XYLT1: variants seen among roughly 807,000 people sequenced by gnomAD.
XYLT1 encodes the protein beta-D-xylosyltransferase 1.
In XYLT1, 36 loss-of-function variants were observed where a neutral mutation model predicts 91.3. The observed-to-expected ratio is 0.39, with a 90% CI of 0.30 to 0.52. The LOEUF (loss-of-function observed/expected upper bound fraction) is 0.52. Among genes scored for constraint, XYLT1 ranks in the 20% least tolerant of loss-of-function variants. The pLI is 0.68. For missense variants in XYLT1, 1,242 were observed against 1,284.5 expected (o/e 0.97, Z 0.51); for synonymous variants, 588 against 532.0 (o/e 1.11, Z -1.45).
intron 1 of XYLT1, among the ~76,000 whole-genome samples, chr16:17,367,477 C>T (rs1596506201): frequency 6.6e-6 from 1 of 152,218 alleles, no homozygotes; most frequent in Non-Finnish European, 1.5e-5. Context: ...CACCCACTTG[C>T]TGTGGTCACC....
At chr16:17,276,743 T>C (rs1011126284) in intron 2 of XYLT1, among the ~76,000 whole-genome samples, 1 of 152,178 alleles carries the variant, frequency 6.6e-6, no homozygotes, top group Non-Finnish European at 1.5e-5. Flanking sequence ...GAAGTTGTTA[T>C]AAATGTATGC....
chr16:17,191,728 C>T (rs1235050828), intron 5 of XYLT1, among the ~76,000 whole-genome samples: 3 of 152,198 alleles, frequency 2.0e-5, no homozygotes, highest in Non-Finnish European at 4.4e-5. Flanking sequence ...CCTACTGAGG[C>T]GCCATGGAGC....
chr16:17,223,066 T>G (rs1229636274), intron 3 of XYLT1, among the ~76,000 whole-genome samples: 1 of 151,828 alleles, frequency 6.6e-6, no homozygotes, highest in African/African-American at 2.4e-5. Flanking sequence ...GGCTGACATT[T>G]GTTAAGTGCC....
At chr16:17,127,563 C>A (rs2030303199) in intron 10 of XYLT1, 103 bp downstream of exon 10, 6 of 1,364,270 alleles carry the variant, frequency 4.4e-6, no homozygotes, top group Non-Finnish European at 6.0e-6. Flanking sequence ...ATCTCCAAGT[C>A]CTCTTCTCCT....
chr16:17,115,824 A>AAAAAAAAC (rs1966851037), intron 11 of XYLT1, among the ~76,000 whole-genome samples: 1 of 143,978 alleles, frequency 6.9e-6, no homozygotes, highest in Non-Finnish European at 1.5e-5. Flanking sequence ...AAAAAAAAAA[A>AAAAAAAAC]AGACTTTTCC....
intron 4 of XYLT1, 125 bp downstream of exon 4, chr16:17,200,357 G>C: frequency 8.2e-7 from 1 of 1,221,544 alleles, no homozygotes; most frequent in Non-Finnish European, 1.2e-6. Flanking sequence ...AGAGGCAGCT[G>C]GTCAGCTTCC....
At chr16:17,400,617 GAGGGAGGA>G (rs1403407991) in intron 1 of XYLT1, among the ~76,000 whole-genome samples, 29 of 122,076 alleles carry the variant, frequency 2.4e-4, no homozygotes, top group African/African-American at 8.3e-4. Flanking sequence ...GGGAGGGAGG[GAGGGAGGA>G]AGGGAGGAAG....
Position 17,470,448 on chromosome 16 carries a change from G to A in XYLT1, c.349C>T (p.Pro117Ser). 2 of 1,231,620 alleles carry A rather than the reference G, an allele frequency of 1.6e-6. No homozygotes were observed. The highest frequency in any genetic ancestry group is 2.0e-6 in the Non-Finnish European group (2 of 987,536). 76.3% of individuals were successfully genotyped at this position (1,231,620 alleles called of 1,614,324 possible). A position where few individuals can be genotyped will look rare whatever the true frequency, so the allele number is the denominator to read the frequency against. Reference sequence around the variant, plus strand: ...GGGCATCTTACCAGAGCCCGGGCGGGCAGTGCCCCCCGGCTGGCCGGCTGC... The same window carrying A: ...GGGCATCTTACCAGAGCCCGGGCGGACAGTGCCCCCCGGCTGGCCGGCTGC... ...GQQPASRGAL[P>S]ARALDPHPSP... Residue 117 changes from proline (P) to serine (S), a missense_variant, in exon 1 of 12, where the codon CCC (proline) becomes TCC (serine). By Grantham distance (74) the Pro-to-Ser change is moderately conservative. Around this residue, in one of 3 missense-constraint regions of XYLT1, gnomAD observed 437 missense variants for 411.5 expected, o/e 1.06. Coordinates refer to ENST00000261381, the MANE Select transcript of XYLT1 (RefSeq NM_022166.4).
chr16:17,463,664 GTTC>G (rs1426344011), intron 1 of XYLT1, among the ~76,000 whole-genome samples: 2 of 152,246 alleles, frequency 1.3e-5, no homozygotes, highest in African/African-American at 2.4e-5. Context: ...GAGTATGAAG[GTTC>G]TTCACAAGCT....
chr16:17,269,627 C>T, intron 2 of XYLT1, among the ~76,000 whole-genome samples: 1 of 152,090 alleles, frequency 6.6e-6, no homozygotes, highest in Non-Finnish European at 1.5e-5. Context: ...CATCATCTCC[C>T]AGCCTCTGTA....
intron 1 of XYLT1, among the ~76,000 whole-genome samples, chr16:17,464,326 T>TA (rs1290206974): frequency 6.6e-6 from 1 of 151,960 alleles, no homozygotes; most frequent in Non-Finnish European, 1.5e-5. Flanking sequence ...TCATCTCTAC[T>TA]AAAAATACAA....
Position 17,236,977 on chromosome 16 carries a change from A to G in XYLT1, c.913+22011T>C, listed in dbSNP as rs182617464. The stretch of plus-strand genomic sequence containing the variant: ...TTTGGGGGATACAATGTAATCCATA[A>G]TATCTACTTAGCAATTGAGTATAGG... On this transcript the variant is annotated intron_variant, in intron 3 of 11. Transcript: ENST00000261381. Among the ~76,000 whole-genome samples, 10 of 152,318 alleles carry G rather than the reference A, an allele frequency of 6.6e-5. 1 individual carries two copies. Among genetic ancestry groups the G allele is most frequent in the Admixed American group, 6.5e-4 (10 of 15,306 alleles).
chr16:17,212,893 C>T (rs1444514273), intron 3 of XYLT1, among the ~76,000 whole-genome samples: 1 of 152,236 alleles, frequency 6.6e-6, no homozygotes, highest in Non-Finnish European at 1.5e-5. Flanking sequence ...CTGTGGCCTG[C>T]AAGCTCTTAT....
chr16:17,458,093 G>A (rs1839496891), intron 1 of XYLT1, among the ~76,000 whole-genome samples: 1 of 152,164 alleles, frequency 6.6e-6, no homozygotes, highest in Non-Finnish European at 1.5e-5. Flanking sequence ...ATGAACGTGA[G>A]TCTGGTTGAG....
intron 1 of XYLT1, among the ~76,000 whole-genome samples, chr16:17,362,221 C>T (rs527532920): frequency 6.6e-6 from 1 of 152,230 alleles, no homozygotes; most frequent in South Asian, 2.1e-4. Flanking sequence ...TAAGCAGTAC[C>T]ACCTTAACAA....
At chr16:17,362,946 C>T (rs1567393500) in intron 1 of XYLT1, among the ~76,000 whole-genome samples, 1 of 152,244 alleles carries the variant, frequency 6.6e-6, no homozygotes, top group Non-Finnish European at 1.5e-5. Context: ...TCCCAGGGAA[C>T]ACTTCAGAAG....
chr16:17,107,196 T>C lies in XYLT1; in HGVS notation c.*1499A>G, dbSNP rs1966788990. On this transcript the variant is annotated 3_prime_UTR_variant, in exon 12 of 12. Transcript: ENST00000261381. ...GAGGCTTGGGATGGGGCAACACATC[T>C]GGCTAGGATTAGGACAAGTCACACA... The C allele has an allele frequency of 6.6e-6, 1 of 152,186 alleles. No homozygotes were observed. The highest frequency in any genetic ancestry group is 2.4e-5 in the African/African-American group (1 of 41,446). 9.4% of individuals were successfully genotyped at this position (152,186 alleles called of 1,614,324 possible).
intron 1 of XYLT1, among the ~76,000 whole-genome samples, chr16:17,409,123 G>A (rs1394509915): frequency 6.6e-6 from 1 of 152,166 alleles, no homozygotes; most frequent in Non-Finnish European, 1.5e-5. Context: ...GTGAACAGAA[G>A]GAGCAGGAAG....
At chr16:17,263,745 G>T (rs1334614859) in intron 2 of XYLT1, among the ~76,000 whole-genome samples, 1 of 151,820 alleles carries the variant, frequency 6.6e-6, no homozygotes, top group East Asian at 1.9e-4. Context: ...TTTCACTCTT[G>T]TCACCTAGGC....
Sources: allele counts gnomAD v4.1 joint callset (sites outside exome capture counted in the v4.1 genomes callset), GRCh38; gene constraint gnomAD v4.1.1; regional missense constraint gnomAD v4.1.1; transcripts MANE v1.5; gene names NCBI Gene and HGNC (gene_info 2026-07-23, HGNC 2026-07-21).